Variants in SGSM1 observed in about 807,000 individuals in gnomAD.
SGSM1 encodes RUN and TBC1 domain containing 2.
A neutral mutation model predicts 133.8 loss-of-function variants in SGSM1; 73 were observed. The observed-to-expected ratio is 0.55, with a 90% CI of 0.45 to 0.66. SGSM1 has a LOEUF of 0.66. Ranked by LOEUF, SGSM1 falls within the 30% of genes least tolerant of loss-of-function variation. The pLI is 0.00. For missense variants in SGSM1, 1,213 were observed against 1,448.1 expected (o/e 0.84, Z 2.64); for synonymous variants, 563 against 573.0 (o/e 0.98, Z 0.25).
chr22:24,852,347 CA>C (rs1930530532), intron 5 of SGSM1, among the ~76,000 whole-genome samples: 1 of 152,154 alleles, frequency 6.6e-6, no homozygotes, highest in Non-Finnish European at 1.5e-5. Flanking sequence ...CATCAGGATA[CA>C]GAATTATTCC....
At chr22:24,856,426 G>A (rs1220685008) in intron 8 of SGSM1, among the ~76,000 whole-genome samples, 2 of 152,292 alleles carry the variant, frequency 1.3e-5, no homozygotes, top group Admixed American at 6.5e-5. Context: ...GCCATAGTCA[G>A]TGCCATCACT....
Position 24,858,960 on chromosome 22 carries a change from T to C in SGSM1, c.802-756T>C, listed in dbSNP as rs116271828. Among the ~76,000 whole-genome samples, 474 of 152,374 alleles carry C rather than the reference T, an allele frequency of 3.1e-3. 4 individuals carry two copies. Among genetic ancestry groups the C allele is most frequent in the African/African-American group, 0.011 (462 of 41,594 alleles). The stretch of plus-strand genomic sequence containing the variant: ...ACGTCACAGTTGTGATTAGAAGACC[T>C]GCACCCATTTCAGGTACATGAAAAC... On this transcript the variant is annotated intron_variant, in intron 8 of 24. Coordinates refer to ENST00000400358, the MANE Select transcript of SGSM1 (RefSeq NM_001098497.3).
intron 12 of SGSM1, among the ~76,000 whole-genome samples, chr22:24,871,045 C>G (rs1931741536): frequency 6.6e-6 from 1 of 152,222 alleles, no homozygotes; most frequent in Admixed American, 6.5e-5. Flanking sequence ...AATTGGACAT[C>G]TGAACCTTAG....
chr22:24,914,699 G>A (rs555616988), intron 22 of SGSM1, among the ~76,000 whole-genome samples: 337 of 152,094 alleles, frequency 2.2e-3, no homozygotes, highest in Non-Finnish European at 3.1e-3. Context: ...ATTTTAAATG[G>A]TATGAACTCT....
At chr22:24,856,506 C>A (rs561749380) in intron 8 of SGSM1, among the ~76,000 whole-genome samples, 15 of 152,300 alleles carry the variant, frequency 9.8e-5, no homozygotes, top group African/African-American at 3.4e-4. Flanking sequence ...ATATGCAGTT[C>A]CTGCCTTCAT....
chr22:24,902,856 A>G (rs2087490396), intron 20 of SGSM1, among the ~76,000 whole-genome samples: 1 of 152,190 alleles, frequency 6.6e-6, no homozygotes. Flanking sequence ...TCTGGGCAAC[A>G]TAACAAGACC....
At chr22:24,871,658 G>T (rs1490336075) in intron 12 of SGSM1, among the ~76,000 whole-genome samples, 1 of 152,176 alleles carries the variant, frequency 6.6e-6, no homozygotes, top group African/African-American at 2.4e-5. Context: ...TCTTGTCATG[G>T]CTGGGATTTG....
At chr22:24,857,193 A>G (rs139693) in intron 8 of SGSM1, among the ~76,000 whole-genome samples, 19,813 of 151,016 alleles carry the variant, frequency 0.13, 2,176 homozygotes, top group African/African-American at 0.3. Flanking sequence ...CACAAAGTCA[A>G]GAGTCCAAGA....
chr22:24,872,941 T>A (rs534859362), intron 12 of SGSM1, among the ~76,000 whole-genome samples: 49 of 151,966 alleles, frequency 3.2e-4, no homozygotes, highest in African/African-American at 9.6e-4. Flanking sequence ...GAAATTTTTT[T>A]AAATTACATA....
intron 8 of SGSM1, among the ~76,000 whole-genome samples, chr22:24,859,113 G>C (rs1237376882): frequency 6.6e-6 from 1 of 152,208 alleles, no homozygotes; most frequent in Non-Finnish European, 1.5e-5. Context: ...GGACACACTT[G>C]GTGCTCAGTA....
At chr22:24,846,268 G>A (rs1930146533) in intron 3 of SGSM1, among the ~76,000 whole-genome samples, 1 of 150,932 alleles carries the variant, frequency 6.6e-6, no homozygotes, top group Non-Finnish European at 1.5e-5. Flanking sequence ...TGAATTCCTA[G>A]GTTCAAGCAT....
chr22:24,806,387 C>T, intron 1 of SGSM1, 43 bp downstream of exon 1: 1 of 1,507,792 alleles, frequency 6.6e-7, no homozygotes, highest in Non-Finnish European at 8.9e-7. Context: ...GGGCAGCGCC[C>T]GGCCCCCGCA....
intron 21 of SGSM1, among the ~76,000 whole-genome samples, chr22:24,910,610 G>T (rs1477793745): frequency 1.3e-5 from 2 of 152,102 alleles, no homozygotes; most frequent in Admixed American, 6.6e-5. Flanking sequence ...TCATGCCACT[G>T]CATTCCAAGC....
Position 24,898,518 on chromosome 22 carries a change from A to C in SGSM1, c.2569A>C (p.Asn857His), listed in dbSNP as rs1227396312. ...LASLAVTTSA[N>H]EVSPVSSSGV... ...TTCTCTGGCTGTGACTACTTCTGCC[A>C]ACGAGGTGTCCCCTGTGTCTTCCAG... is the stretch of plus-strand genomic sequence containing the variant. The change falls in exon 19 of 25, where the codon AAC (asparagine) becomes CAC (histidine). Residue 857 changes from asparagine to histidine, a missense_variant. Physicochemically the swap from Asn to His is moderately conservative, Grantham distance 68. Coordinates refer to ENST00000400358, the MANE Select transcript of SGSM1 (RefSeq NM_001098497.3). The C allele has an allele frequency of 6.2e-7, 1 of 1,613,242 alleles. No homozygotes were observed. Among genetic ancestry groups the C allele is most frequent in the Non-Finnish European group, 8.5e-7 (1 of 1,179,572 alleles).
intron 2 of SGSM1, among the ~76,000 whole-genome samples, chr22:24,807,257 G>A (rs949820956): frequency 1.3e-5 from 2 of 152,174 alleles, no homozygotes; most frequent in East Asian, 1.9e-4. Flanking sequence ...TGGACTGCGT[G>A]CTCTGGTGTG....
chr22:24,907,636 A>T (rs1933441076), intron 21 of SGSM1, among the ~76,000 whole-genome samples: 1 of 151,880 alleles, frequency 6.6e-6, no homozygotes, highest in African/African-American at 2.4e-5. Flanking sequence ...TTTTAAAAGG[A>T]TATGTTGGCC....
intron 12 of SGSM1, among the ~76,000 whole-genome samples, chr22:24,873,551 C>A (rs6004338): frequency 0.22 from 33,778 of 151,984 alleles, 4,135 homozygotes; most frequent in South Asian, 0.33. Flanking sequence ...AAAGAGTAGG[C>A]TCAGAGTCAA....
chr22:24,894,722 A>C (rs1932875741), intron 17 of SGSM1, among the ~76,000 whole-genome samples: 1 of 152,220 alleles, frequency 6.6e-6, no homozygotes, highest in Non-Finnish European at 1.5e-5. Flanking sequence ...GATGCCACAG[A>C]GAGAAAGCGG....
At chr22:24,924,165 T>C in intron 24 of SGSM1, 21 bp from the exon 25 acceptor site, 1 of 1,612,934 alleles carries the variant, frequency 6.2e-7, no homozygotes, top group African/African-American at 1.3e-5. Flanking sequence ...GCTCATGAGA[T>C]TTTTCTTTCT....
Sources: allele counts gnomAD v4.1 joint callset (sites outside exome capture counted in the v4.1 genomes callset), GRCh38; gene constraint gnomAD v4.1.1; transcripts MANE v1.5; gene names NCBI Gene and HGNC (gene_info 2026-07-23, HGNC 2026-07-21).